Variants in SYT14 observed in about 807,000 individuals in gnomAD.
The protein encoded by SYT14 is synaptotagmin 14.
In SYT14, 32 loss-of-function variants were observed where a neutral mutation model predicts 74.2. The ratio of observed to expected loss-of-function variants is 0.43; its 90% CI spans 0.33 to 0.58. The LOEUF (loss-of-function observed/expected upper bound fraction) is 0.58, where lower values mean the gene tolerates loss of function less well. Among genes scored for constraint, SYT14 ranks in the 20% least tolerant of loss-of-function variants. The probability of loss-of-function intolerance (pLI) is 0.05; values close to 1 mark genes in which losing one functional copy is unlikely to be tolerated. For missense variants in SYT14, 791 were observed against 981.8 expected, an observed-to-expected ratio of 0.81 and a Z score of 2.60; for synonymous variants, 298 against 337.7, an observed-to-expected ratio of 0.88 and a Z score of 1.29.
intron 7 of SYT14, among the ~76,000 whole-genome samples, chr1:210,127,828 C>G (rs1201365040): frequency 6.6e-6 from 1 of 151,866 alleles, no homozygotes; most frequent in African/African-American, 2.4e-5. Flanking sequence ...TAGTTCGTGA[C>G]CAGCCTGGCC....
rs1196789715 is a variant in SYT14 at position 210,056,659 on chromosome 1, CA to C, written c.1312+35422del. ...TGAAACCCCGTCTCTACTAAAAATA[CA>C]AAAAAAAAAAAAAAAATTAGCCGGG... On this transcript the variant is annotated intron_variant, in intron 5 of 9. Transcript: ENST00000637265. 3.5e-3 allele frequency among the ~76,000 whole-genome samples: 274 copies of C among 79,376 alleles called. 9 individuals are homozygous for C. The East Asian group carries it at 0.046, about 13-fold the overall frequency. 52.1% of individuals were successfully genotyped at this position (79,376 alleles called of 152,430 possible).
intron 2 of SYT14, among the ~76,000 whole-genome samples, chr1:209,983,420 A>G (rs927915982): frequency 2.0e-5 from 3 of 151,864 alleles, no homozygotes; most frequent in Non-Finnish European, 2.9e-5. Context: ...TGCTCCTCAA[A>G]GTGGGTCATT....
chr1:210,108,757 A>C (rs751982360), intron 7 of SYT14, among the ~76,000 whole-genome samples: 2 of 152,210 alleles, frequency 1.3e-5, no homozygotes, highest in Non-Finnish European at 2.9e-5. Flanking sequence ...ATAAGAGAGA[A>C]GTGAAGCCAG....
chr1:209,943,163 G>T (rs1328066756), intron 1 of SYT14, among the ~76,000 whole-genome samples: 1 of 152,056 alleles, frequency 6.6e-6, no homozygotes, highest in Admixed American at 6.5e-5. Context: ...TTTTCTAACC[G>T]ACTACACAAA....
At chr1:209,976,495 T>A (rs1284450952) in intron 2 of SYT14, among the ~76,000 whole-genome samples, 1 of 152,088 alleles carries the variant, frequency 6.6e-6, no homozygotes, top group East Asian at 1.9e-4. Flanking sequence ...TTGTTCAGTT[T>A]CCATGTAGTT....
At chr1:210,122,771 A>C (rs528740493) in intron 7 of SYT14, among the ~76,000 whole-genome samples, 1 of 152,336 alleles carries the variant, frequency 6.6e-6, no homozygotes, top group East Asian at 1.9e-4. Context: ...AGTGAGGGTC[A>C]GTGAATAACT....
At chr1:210,078,325 A>G (rs972456740) in intron 5 of SYT14, among the ~76,000 whole-genome samples, 5 of 151,010 alleles carry the variant, frequency 3.3e-5, no homozygotes, top group Admixed American at 2.0e-4. Context: ...AAAAAAAAAA[A>G]AAAAAAAAAA....
intron 5 of SYT14, among the ~76,000 whole-genome samples, chr1:210,086,496 G>C (rs950228561): frequency 6.6e-6 from 1 of 152,128 alleles, no homozygotes; most frequent in Non-Finnish European, 1.5e-5. Context: ...TTGTCCTTTT[G>C]ACATATCCCC....
chr1:210,039,076 A>G (rs2080730631), intron 5 of SYT14, among the ~76,000 whole-genome samples: 1 of 151,904 alleles, frequency 6.6e-6, no homozygotes, highest in Non-Finnish European at 1.5e-5. Context: ...ATAACTTGAT[A>G]CTTCTCAAAG....
At chr1:210,163,985 A>T (rs1204497755) in exon 10 of SYT14, 2 of 453,012 alleles carry the variant, frequency 4.4e-6, no homozygotes, top group Non-Finnish European at 8.8e-6. Flanking sequence ...TATAGTCCAA[A>T]TATGGCAATC....
At chr1:209,972,711 A>T (rs185434039) in intron 2 of SYT14, among the ~76,000 whole-genome samples, 1 of 152,110 alleles carries the variant, frequency 6.6e-6, no homozygotes, top group Non-Finnish European at 1.5e-5. Flanking sequence ...ATCTGAACGT[A>T]TGGTTGGAAT....
intron 2 of SYT14, 32 bp from the exon 3 acceptor site, chr1:210,013,601 A>G: frequency 6.3e-7 from 1 of 1,597,416 alleles, no homozygotes; most frequent in Non-Finnish European, 8.5e-7. Context: ...AGAAAAATAA[A>G]TGCTTACAGC....
In SYT14 at chr1:210,078,171, G is replaced by A. The variant is rs534649611; in HGVS notation, c.1313-16151G>A. On this transcript the variant is annotated intron_variant, in intron 5 of 9. Coordinates refer to ENST00000637265, the Ensembl canonical transcript of SYT14. ...TAAAAATACAAAAAATTAGCCGGGC[G>A]TGGTAGCGGGCGCCTGTAGTCCCAG... 1.4e-3 allele frequency among the ~76,000 whole-genome samples: 210 copies of A among 151,786 alleles called. 1 individual carries two copies. Among genetic ancestry groups the A allele is most frequent in the African/African-American group, 4.7e-3 (195 of 41,404 alleles).
rs2081841981 is a variant in SYT14, at chr1:210,090,377, A to AG, written c.1313-3945_1313-3944insG. 2.0e-5 allele frequency among the ~76,000 whole-genome samples: 3 copies of AG among 152,174 alleles called. No homozygotes were observed. The South Asian group carries it at 6.2e-4, about 32-fold the overall frequency. On this transcript the variant is annotated intron_variant, in intron 5 of 9. Transcript: ENST00000637265. ...GATTTCCACAGGCACTTGAAAAAAA[A>AG]AAGAATTCTGCAGTCGTTGAATATA...
exon 4 of SYT14, chr1:210,016,398 A>G (rs1169122434): frequency 8.1e-7 from 1 of 1,231,994 alleles, no homozygotes; most frequent in African/African-American, 1.6e-5. Context: ...CTATCAGAAT[A>G]TCAAGACACT....
chr1:209,991,536 A>G (rs1278721492), intron 2 of SYT14, among the ~76,000 whole-genome samples: 1 of 152,252 alleles, frequency 6.6e-6, no homozygotes, highest in Non-Finnish European at 1.5e-5. Context: ...AAAAATGCTC[A>G]ACATCACTAA....
At chr1:209,990,800 T>C (rs74679658) in intron 2 of SYT14, among the ~76,000 whole-genome samples, 1 of 151,908 alleles carries the variant, frequency 6.6e-6, no homozygotes, top group African/African-American at 2.4e-5. Flanking sequence ...ATTGTTTCTT[T>C]CACATTCTTG....
chr1:210,171,296 A>G (rs1022848498), exon 10 of SYT14: 1 of 152,214 alleles, frequency 6.6e-6, no homozygotes, highest in East Asian at 1.9e-4. Context: ...GAAAGAAATT[A>G]AAGTTGCTGC....
intron 2 of SYT14, among the ~76,000 whole-genome samples, chr1:209,957,218 C>G (rs990282217): frequency 1.3e-5 from 2 of 152,126 alleles, no homozygotes; most frequent in African/African-American, 4.8e-5. Context: ...CTTTAGCCCC[C>G]ATTGCTGTCT....
Sources: allele counts gnomAD v4.1 joint callset (sites outside exome capture counted in the v4.1 genomes callset), GRCh38; gene constraint gnomAD v4.1.1; transcripts MANE v1.5; gene names NCBI Gene and HGNC (gene_info 2026-07-23, HGNC 2026-07-21).